The following KCNQ5 variants were observed in gnomAD, a reference collection of about 807,000 sequenced individuals.
KCNQ5 encodes the protein potassium voltage-gated channel subfamily Q member 5.
In KCNQ5, 30 loss-of-function variants were observed where a neutral mutation model predicts 98.2. That is an observed-to-expected ratio of 0.31 (90% CI 0.23 to 0.41). The LOEUF is 0.41. Ranked by LOEUF, KCNQ5 falls within the 10% of genes least tolerant of loss-of-function variation. The pLI, the probability that KCNQ5 is intolerant of heterozygous loss-of-function variation, is 1.00. For missense variants in KCNQ5, 835 were observed against 1,182.5 expected (o/e 0.71, Z 4.31); for synonymous variants, 458 against 449.4 (o/e 1.02, Z -0.24).
intron 10 of KCNQ5, among the ~76,000 whole-genome samples, chr6:73,162,707 A>G (rs1344378677): frequency 6.6e-6 from 1 of 152,254 alleles, no homozygotes; most frequent in Non-Finnish European, 1.5e-5. Flanking sequence ...AACTCAAGAT[A>G]TAGCAGGTCC....
chr6:72,780,872 C>T (rs891251100), intron 1 of KCNQ5, among the ~76,000 whole-genome samples: 14 of 152,062 alleles, frequency 9.2e-5, no homozygotes, highest in Non-Finnish European at 1.8e-4. Context: ...AAGTGATTTT[C>T]TTAGATTCAG....
intron 2 of KCNQ5, among the ~76,000 whole-genome samples, chr6:73,022,610 G>T (rs1770656463): frequency 6.6e-6 from 1 of 150,486 alleles, no homozygotes; most frequent in African/African-American, 2.4e-5. Context: ...TTCTGTCTCT[G>T]AAAAAAAAAT....
intron 1 of KCNQ5, among the ~76,000 whole-genome samples, chr6:72,861,344 G>A (rs1335166573): frequency 6.6e-6 from 1 of 152,044 alleles, no homozygotes; most frequent in South Asian, 2.1e-4. Context: ...AATTCCTAGG[G>A]GACAGTAACA....
intron 1 of KCNQ5, among the ~76,000 whole-genome samples, chr6:72,958,932 C>T (rs1767211936): frequency 6.6e-6 from 1 of 152,086 alleles, no homozygotes; most frequent in South Asian, 2.1e-4. Flanking sequence ...TTTATGGAAG[C>T]CTATATATAT....
intron 1 of KCNQ5, among the ~76,000 whole-genome samples, chr6:72,970,499 T>C (rs1054215506): frequency 6.6e-6 from 1 of 152,186 alleles, no homozygotes; most frequent in African/African-American, 2.4e-5. Context: ...GCAGTTTCAG[T>C]AGTACCAAAG....
chr6:72,807,684 A>T (rs75616089), intron 1 of KCNQ5, among the ~76,000 whole-genome samples: 2,225 of 152,038 alleles, frequency 0.015, 51 homozygotes, highest in African/African-American at 0.048. Context: ...AATTTTTTTT[A>T]AAAATATTTT....
At chr6:73,103,165 G>A (rs888653706) in intron 5 of KCNQ5, among the ~76,000 whole-genome samples, 6 of 152,132 alleles carry the variant, frequency 3.9e-5, no homozygotes, top group Non-Finnish European at 7.4e-5. Context: ...GGATGCAAGC[G>A]GAGCTCATTT....
At chr6:72,730,152 G>A (rs765026128) in intron 1 of KCNQ5, among the ~76,000 whole-genome samples, 21 of 152,190 alleles carry the variant, frequency 1.4e-4, no homozygotes, top group Admixed American at 5.9e-4. Context: ...GCAAGACCCT[G>A]TCACTATATA....
intron 1 of KCNQ5, among the ~76,000 whole-genome samples, chr6:72,739,553 G>A (rs1771024760): frequency 6.6e-6 from 1 of 152,084 alleles, no homozygotes; most frequent in African/African-American, 2.4e-5. Flanking sequence ...AGCCTTTGCC[G>A]CCTCACTAAA....
At chr6:72,927,177 T>C (rs964178257) in intron 1 of KCNQ5, among the ~76,000 whole-genome samples, 1 of 152,214 alleles carries the variant, frequency 6.6e-6, no homozygotes, top group African/African-American at 2.4e-5. Flanking sequence ...GGTGTTTCAG[T>C]AGTACTTAGT....
At chr6:72,631,768 A>T (rs1022510757) in intron 1 of KCNQ5, among the ~76,000 whole-genome samples, 1 of 152,244 alleles carries the variant, frequency 6.6e-6, no homozygotes, top group Non-Finnish European at 1.5e-5. Flanking sequence ...CACTAGCTAC[A>T]AGGAAATACA....
chr6:73,060,296 A>G (rs1208040228), intron 3 of KCNQ5, among the ~76,000 whole-genome samples: 1 of 152,168 alleles, frequency 6.6e-6, no homozygotes, highest in African/African-American at 2.4e-5. Context: ...TGGCCAAAAT[A>G]TATGAATCCC....
At chr6:72,800,295 A>G (rs1368363506) in intron 1 of KCNQ5, among the ~76,000 whole-genome samples, 1 of 152,160 alleles carries the variant, frequency 6.6e-6, no homozygotes, top group African/African-American at 2.4e-5. Flanking sequence ...TATTGCCACA[A>G]TTTCAGAGCC....
intron 1 of KCNQ5, among the ~76,000 whole-genome samples, chr6:72,899,597 T>C (rs1562055117): frequency 6.6e-6 from 1 of 152,178 alleles, no homozygotes; most frequent in African/African-American, 2.4e-5. Flanking sequence ...GGTTTACTTA[T>C]TAGGTCAAAC....
chr6:73,095,192 C>T lies in KCNQ5; in HGVS notation c.919-10065C>T, dbSNP rs182076121. On this transcript the variant is annotated intron_variant, in intron 5 of 13. Coordinates refer to ENST00000370398, the MANE Select transcript of KCNQ5 (RefSeq NM_019842.4). ...TTGTCTTAGAGCTCTGAAATTCTTTCTTCTACTTGTTCAATTCTATTGCTG... is the reference window on the plus strand; with the variant it reads ...TTGTCTTAGAGCTCTGAAATTCTTTTTTCTACTTGTTCAATTCTATTGCTG... Among the ~76,000 whole-genome samples the T allele has an allele frequency of 3.1e-3, 479 of 152,244 alleles. 4 individuals carry two copies. Among genetic ancestry groups the T allele is most frequent in the Admixed American group, 6.1e-3 (94 of 15,292 alleles).
chr6:73,136,008 C>T (rs1283153992), intron 10 of KCNQ5: 1 of 152,160 alleles, frequency 6.6e-6, no homozygotes, highest in East Asian at 1.9e-4. Context: ...TCCAAACAGT[C>T]GCATTCGGAG....
chr6:72,788,651 A>G (rs1201887446), intron 1 of KCNQ5, among the ~76,000 whole-genome samples: 3 of 152,226 alleles, frequency 2.0e-5, no homozygotes, highest in Non-Finnish European at 4.4e-5. Context: ...TTTTTCAAAT[A>G]ATTCTGGATT....
intron 7 of KCNQ5, among the ~76,000 whole-genome samples, chr6:73,118,838 T>C (rs1775620852): frequency 6.6e-6 from 1 of 152,038 alleles, no homozygotes; most frequent in African/African-American, 2.4e-5. Context: ...CTGGCCAACA[T>C]AGTGAAACCC....
In KCNQ5 at chr6:73,158,194, G is replaced by C. The variant is rs1452677773; in HGVS notation, c.1469-11552G>C. ...AGGGAACGTCCGGGCGAGCACGGCG[G>C]CGGCGCCGGCCCCAGCGTTGTGTGG... On this transcript the variant is annotated intron_variant, in intron 10 of 13. Transcript: ENST00000370398. 5.3e-5 allele frequency: 15 copies of C among 280,468 alleles called. No individual in the cohort carries two copies. In the East Asian group the frequency reaches 1.5e-3, roughly 28 times the overall value. 17.4% of individuals were successfully genotyped at this position (280,468 alleles called of 1,614,324 possible).
Sources: gnomAD v4.1 joint callset for allele counts (sites outside exome capture counted in the v4.1 genomes callset) on GRCh38, gnomAD v4.1.1 for gene constraint, MANE v1.5 for transcripts, NCBI Gene and HGNC (gene_info 2026-07-23, HGNC 2026-07-21) for gene names.